EPHA6: variants seen among roughly 807,000 people sequenced by gnomAD.
EPHA6 encodes the protein ephrin type-A receptor 6.
In EPHA6, 50 loss-of-function variants were observed where a neutral mutation model predicts 112.0. The ratio of observed to expected loss-of-function variants is 0.45; its 90% CI spans 0.36 to 0.56. The LOEUF (loss-of-function observed/expected upper bound fraction) is 0.56. Among genes scored for constraint, EPHA6 ranks in the 20% least tolerant of loss-of-function variants. The pLI is 0.00. For synonymous variants in EPHA6, 529 were observed against 490.7 expected, an observed-to-expected ratio of 1.08 and a Z score of -1.03; for missense variants, 1,280 against 1,417.4, an observed-to-expected ratio of 0.90 and a Z score of 1.56.
chr3:97,388,314 T>G (rs114626424), intron 5 of EPHA6, among the ~76,000 whole-genome samples: 1 of 152,146 alleles, frequency 6.6e-6, no homozygotes, highest in African/African-American at 2.4e-5. Flanking sequence ...AAAACTTTTT[T>G]TTTTAATCTT....
At chr3:97,175,048 T>G (rs865780350) in intron 3 of EPHA6, among the ~76,000 whole-genome samples, 5 of 151,970 alleles carry the variant, frequency 3.3e-5, no homozygotes, top group South Asian at 2.1e-4. Flanking sequence ...ATGTAAGTAT[T>G]TAATTTGCTT....
chr3:96,972,880 C>T (rs1042254263), intron 2 of EPHA6, among the ~76,000 whole-genome samples: 2 of 152,116 alleles, frequency 1.3e-5, no homozygotes, highest in African/African-American at 4.8e-5. Flanking sequence ...TCTTTGAATT[C>T]TAAAGATTTT....
At chr3:97,136,420 AAAG>A (rs1262177159) in intron 3 of EPHA6, among the ~76,000 whole-genome samples, 3 of 152,188 alleles carry the variant, frequency 2.0e-5, no homozygotes, top group Non-Finnish European at 2.9e-5. Context: ...AAGGCTGAAT[AAAG>A]AAGTGAAATG....
chr3:97,665,162 C>T (rs900347865), intron 14 of EPHA6, among the ~76,000 whole-genome samples: 1 of 152,116 alleles, frequency 6.6e-6, no homozygotes, highest in Admixed American at 6.6e-5. Context: ...AGAAATAATA[C>T]CACACATCTA....
At position 97,503,029 on chromosome 3, in the gene EPHA6, C is replaced by T. The variant is rs187784158; in HGVS notation, c.2200+18970C>T. 6.6e-3 allele frequency among the ~76,000 whole-genome samples: 991 copies of T among 150,882 alleles called. 12 individuals are homozygous for T. The highest frequency in any genetic ancestry group is 0.022 in the African/African-American group (912 of 40,882). On this transcript the variant is annotated intron_variant, in intron 10 of 17. Transcript: ENST00000389672. ...TATAAGGTATAAGTGAACAATATTA[C>T]AGATGAAAAAGGAAAAGAAGATATA...
chr3:97,308,895 G>C (rs996510328), intron 5 of EPHA6, among the ~76,000 whole-genome samples: 13 of 151,594 alleles, frequency 8.6e-5, no homozygotes, highest in Admixed American at 1.3e-4. Flanking sequence ...AGACCCATGA[G>C]GTCAGACACA....
At chr3:97,305,056 T>C (rs533498941) in intron 5 of EPHA6, among the ~76,000 whole-genome samples, 27 of 151,738 alleles carry the variant, frequency 1.8e-4, no homozygotes, top group Non-Finnish European at 3.7e-4. Context: ...ACAACCCCAT[T>C]AAAAGTGGGC....
chr3:97,518,217 G>A (rs186515195), intron 10 of EPHA6, among the ~76,000 whole-genome samples: 99 of 152,194 alleles, frequency 6.5e-4, no homozygotes, highest in African/African-American at 2.3e-3. Flanking sequence ...CAGTGCACAA[G>A]GTTTTCCCTT....
intron 11 of EPHA6, among the ~76,000 whole-genome samples, chr3:97,587,135 C>T (rs567107815): frequency 2.6e-5 from 4 of 151,756 alleles, no homozygotes; most frequent in Non-Finnish European, 5.9e-5. Flanking sequence ...CCCAGCTACT[C>T]GGGAGGCTGA....
chr3:96,987,181 A>C, intron 2 of EPHA6, 149 bp from the exon 3 acceptor site: 1 of 670,990 alleles, frequency 1.5e-6, no homozygotes. Flanking sequence ...CTCATGGTTA[A>C]AATGCTGTTC....
intron 5 of EPHA6, among the ~76,000 whole-genome samples, chr3:97,346,273 A>G (rs2083527532): frequency 6.6e-6 from 1 of 152,186 alleles, no homozygotes; most frequent in South Asian, 2.1e-4. Flanking sequence ...AGTTCCTCTC[A>G]AGAGAGGCAT....
intron 14 of EPHA6, among the ~76,000 whole-genome samples, chr3:97,665,988 C>A (rs1387112052): frequency 6.7e-6 from 1 of 149,788 alleles, no homozygotes; most frequent in Admixed American, 6.7e-5. Context: ...ACCAGGGAGG[C>A]GGAGGTTGCA....
At chr3:97,088,593 G>C (rs566297773) in intron 3 of EPHA6, among the ~76,000 whole-genome samples, 1 of 152,230 alleles carries the variant, frequency 6.6e-6, no homozygotes, top group South Asian at 2.1e-4. Context: ...GATTTCCTGA[G>C]ACATACTTTT....
intron 3 of EPHA6, among the ~76,000 whole-genome samples, chr3:96,995,080 A>G (rs566532467): frequency 6.6e-6 from 1 of 152,072 alleles, no homozygotes; most frequent in Non-Finnish European, 1.5e-5. Flanking sequence ...TAAATGGGAT[A>G]TACAGGGCCT....
intron 3 of EPHA6, among the ~76,000 whole-genome samples, chr3:97,043,029 G>C (rs775473691): frequency 3.9e-5 from 6 of 152,064 alleles, no homozygotes; most frequent in Non-Finnish European, 8.8e-5. Flanking sequence ...GCAAACCACT[G>C]ACTCATATAA....
At chr3:97,405,390 G>C (rs1339135376) in intron 6 of EPHA6, 116 bp downstream of exon 6, 2 of 812,528 alleles carry the variant, frequency 2.5e-6, no homozygotes, top group Non-Finnish European at 3.7e-6. Context: ...CTTTGGCCTA[G>C]CCTCATACCT....
At chr3:96,924,713 T>C (rs1315400520) in intron 2 of EPHA6, among the ~76,000 whole-genome samples, 1 of 152,144 alleles carries the variant, frequency 6.6e-6, no homozygotes, top group Non-Finnish European at 1.5e-5. Flanking sequence ...TGTCTTGTGA[T>C]GGTATTCAAG....
At chr3:97,425,184 C>T (rs757908423) in intron 6 of EPHA6, among the ~76,000 whole-genome samples, 1 of 150,682 alleles carries the variant, frequency 6.6e-6, no homozygotes, top group Non-Finnish European at 1.5e-5. Flanking sequence ...TGGAGGACAG[C>T]GGCCCTCTTC....
At chr3:97,577,184 C>G (rs948162246) in intron 11 of EPHA6, among the ~76,000 whole-genome samples, 3 of 152,038 alleles carry the variant, frequency 2.0e-5, no homozygotes, top group Non-Finnish European at 4.4e-5. Flanking sequence ...CTGCTTTTTT[C>G]TTTTAAAACT....
Sources: gnomAD v4.1 joint callset for allele counts (sites outside exome capture counted in the v4.1 genomes callset) on GRCh38, gnomAD v4.1.1 for gene constraint, MANE v1.5 for transcripts, NCBI Gene and HGNC (gene_info 2026-07-23, HGNC 2026-07-21) for gene names.